CCDC92: variants seen among roughly 807,000 people sequenced by gnomAD.
The protein encoded by CCDC92 is coiled-coil domain containing 92.
Under a neutral mutation model 24.9 loss-of-function variants are expected in CCDC92, and 12 were observed. That is an observed-to-expected ratio of 0.48 (90% CI 0.31 to 0.78). The LOEUF (loss-of-function observed/expected upper bound fraction) is 0.78, where lower values mean the gene tolerates loss of function less well. Among genes scored for constraint, CCDC92 ranks in the 30% least tolerant of loss-of-function variants. The pLI is 0.05. For missense variants in CCDC92, 399 were observed against 439.4 expected, an observed-to-expected ratio of 0.91 and a Z score of 0.82; for synonymous variants, 193 against 196.3, an observed-to-expected ratio of 0.98 and a Z score of 0.14.
At chr12:123,947,416 C>T (rs922109431) in intron 1 of CCDC92, among the ~76,000 whole-genome samples, 7 of 152,186 alleles carry the variant, frequency 4.6e-5, no homozygotes, top group African/African-American at 9.7e-5. Context: ...TGAAGCCAGC[C>T]GGGCTCCTGA....
intron 1 of CCDC92, among the ~76,000 whole-genome samples, chr12:123,958,250 T>A (rs1956196041): frequency 6.6e-6 from 1 of 151,838 alleles, no homozygotes; most frequent in Non-Finnish European, 1.5e-5. Flanking sequence ...ACGGGGTTTC[T>A]CCATGTTGGT....
At chr12:123,969,240 C>T (rs189259829) in intron 1 of CCDC92, among the ~76,000 whole-genome samples, 4 of 152,296 alleles carry the variant, frequency 2.6e-5, no homozygotes, top group East Asian at 1.9e-4. Flanking sequence ...CTAAGCTTTT[C>T]GGCTTGCTGT....
chr12:123,943,742 T>C (rs1279836077), intron 2 of CCDC92: 1 of 560,980 alleles, frequency 1.8e-6, no homozygotes, highest in East Asian at 2.9e-5. Flanking sequence ...GCACGATGCC[T>C]GGCACATGAA....
Position 123,935,846 on chromosome 12 carries a change from A to C in CCDC92, c.*1212T>G. On this transcript the variant is annotated 3_prime_UTR_variant, in exon 5 of 5. Transcript: ENST00000238156. Reference sequence around the variant, plus strand: ...TCCAAAGGTGTGTTTTCGATGATCCAGGTCTGTTTCAGCAGATGCTCCTTT... The same window carrying C: ...TCCAAAGGTGTGTTTTCGATGATCCCGGTCTGTTTCAGCAGATGCTCCTTT... The C allele has an allele frequency of 5.6e-6, 1 of 178,906 alleles. No homozygotes were observed. The highest frequency in any genetic ancestry group is 5.6e-5 in the Admixed American group (1 of 17,718). The allele number at this position is 178,906 out of a possible 1,614,324, so 11.1% of individuals were successfully genotyped here.
At chr12:123,939,662 G>T (rs1955627108) in intron 4 of CCDC92, among the ~76,000 whole-genome samples, 1 of 152,172 alleles carries the variant, frequency 6.6e-6, no homozygotes, top group African/African-American at 2.4e-5. Flanking sequence ...TATAATGTCA[G>T]CAAATGACCT....
At position 123,936,560 on chromosome 12, in the gene CCDC92, G is replaced by A; in HGVS notation, c.*498C>T. 5.8e-6 allele frequency: 1 copy of A among 171,640 alleles called. No homozygotes were observed. Among genetic ancestry groups the A allele is most frequent in the Non-Finnish European group, 1.3e-5 (1 of 79,568 alleles). The allele number at this position is 171,640 out of a possible 1,614,324, so 10.6% of individuals were successfully genotyped here. A position where few individuals can be genotyped will look rare whatever the true frequency, so the allele number is the denominator to read the frequency against. On this transcript the variant is annotated 3_prime_UTR_variant, in exon 5 of 5. Transcript: ENST00000238156. Reference sequence around the variant, plus strand: ...TACACGCACGGCTGCTCGGTGATCGGTGCCGCCCTGGGAAAGGTTGGTCAG... The same window carrying A: ...TACACGCACGGCTGCTCGGTGATCGATGCCGCCCTGGGAAAGGTTGGTCAG...
rs1955506673 is a variant in CCDC92, at chr12:123,936,726, A to G, written c.*332T>C. ...TGTTGCTCCGACTTGAGAATGAATT[A>G]GGTGTGTGACTGTGTGGCATCGTGA... On this transcript the variant is annotated 3_prime_UTR_variant, in exon 5 of 5. Coordinates refer to ENST00000238156, the MANE Select transcript of CCDC92 (RefSeq NM_025140.3). The G allele has an allele frequency of 4.8e-6, 2 of 418,394 alleles. No individual in the cohort carries two copies. Among genetic ancestry groups the G allele is most frequent in the African/African-American group, 2.0e-5 (1 of 49,014 alleles). The allele number at this position is 418,394 out of a possible 1,614,324, so 25.9% of individuals were successfully genotyped here. A position where few individuals can be genotyped will look rare whatever the true frequency, so the allele number is the denominator to read the frequency against.
Position 123,943,356 on chromosome 12 carries a change from G to A in CCDC92, c.172C>T (p.His58Tyr). 1 of 1,613,208 alleles carries A rather than the reference G, an allele frequency of 6.2e-7. No individual in the cohort carries two copies. The highest frequency in any genetic ancestry group is 1.1e-5 in the South Asian group (1 of 91,086). ...CTGCTCCCCGATGTACCTGTGCAGT[G>A]CTGCTGCAGCCGCCTGATCTCGGAG... ...LHSEIRRLQQ[H>Y]CTDLTYELTV... The change falls in exon 3 of 5, where the codon CAC (histidine) becomes TAC (tyrosine). Residue 58 changes from histidine (H) to tyrosine (Y), a missense_variant. Transcript: ENST00000238156.
At chr12:123,964,258 A>T (rs190978416) in intron 1 of CCDC92, among the ~76,000 whole-genome samples, 418 of 152,216 alleles carry the variant, frequency 2.7e-3, no homozygotes, top group Middle Eastern at 0.01. Context: ...TCTTTTTTTT[A>T]AAAAAAGTGT....
chr12:123,970,128 C>T (rs1956491936), intron 1 of CCDC92: 1 of 152,126 alleles, frequency 6.6e-6, no homozygotes. Context: ...GCGGATGTTG[C>T]TACGTCCACA....
intron 1 of CCDC92, among the ~76,000 whole-genome samples, chr12:123,955,889 TATAAAG>T (rs1324842507): frequency 6.6e-6 from 1 of 152,196 alleles, no homozygotes; most frequent in Non-Finnish European, 1.5e-5. Flanking sequence ...GACTGCCACT[TATAAAG>T]AGACGTTATC....
chr12:123,964,116 T>G (rs568505938), intron 1 of CCDC92, among the ~76,000 whole-genome samples: 1 of 152,352 alleles, frequency 6.6e-6, no homozygotes, highest in African/African-American at 2.4e-5. Flanking sequence ...TAATTAGTGC[T>G]GCGCTGGTAA....
intron 1 of CCDC92, 103 bp downstream of exon 1, chr12:123,972,426 C>T (rs1394818705): frequency 6.6e-6 from 1 of 152,026 alleles, no homozygotes; most frequent in African/African-American, 2.4e-5. Flanking sequence ...GCCACGAACT[C>T]CCGTCCCTGC....
At chr12:123,946,023 T>TAC (rs1955851597) in intron 1 of CCDC92, 1 of 157,824 alleles carries the variant, frequency 6.3e-6, no homozygotes, top group African/African-American at 2.4e-5. Context: ...CTTGCTGGCA[T>TAC]CCTGCTTTGA....
intron 1 of CCDC92, among the ~76,000 whole-genome samples, chr12:123,950,258 CA>C (rs141019619): frequency 0.017 from 2,664 of 152,308 alleles, 79 homozygotes; most frequent in African/African-American, 0.06. Flanking sequence ...GAAACGCAAA[CA>C]CAGCCCACTG....
chr12:123,949,509 C>T (rs541419855), intron 1 of CCDC92, among the ~76,000 whole-genome samples: 3 of 152,360 alleles, frequency 2.0e-5, no homozygotes, highest in South Asian at 4.1e-4. Flanking sequence ...GGGCCAGCCC[C>T]ACCCAGGTGA....
intron 1 of CCDC92, among the ~76,000 whole-genome samples, chr12:123,947,078 C>G (rs767897221): frequency 6.6e-6 from 1 of 152,204 alleles, no homozygotes; most frequent in African/African-American, 2.4e-5. Flanking sequence ...CTGCCGGCCC[C>G]GGGCAATGAG....
intron 4 of CCDC92, among the ~76,000 whole-genome samples, chr12:123,939,884 C>T (rs1346177747): frequency 6.6e-6 from 1 of 152,212 alleles, no homozygotes; most frequent in Non-Finnish European, 1.5e-5. Context: ...GGCCTGGTAC[C>T]CGCTGTCCTT....
Position 123,936,373 on chromosome 12 carries a change from GTGTT to G in CCDC92, c.*681_*684del, listed in dbSNP as rs551156640. 6.6e-6 allele frequency: 1 copy of G among 152,562 alleles called. No individual in the cohort carries two copies. Among genetic ancestry groups the G allele is most frequent in the Non-Finnish European group, 1.5e-5 (1 of 68,222 alleles). 9.5% of individuals were successfully genotyped at this position (152,562 alleles called of 1,614,324 possible). On this transcript the variant is annotated 3_prime_UTR_variant, in exon 5 of 5. Coordinates refer to ENST00000238156, the MANE Select transcript of CCDC92 (RefSeq NM_025140.3). Reference sequence around the variant, plus strand: ...CTGCAGTCTCCTAGCCCTCCTTCAGGTGTTTGTTTAATAAAAGACACAAAACAGA... The same window carrying G: ...CTGCAGTCTCCTAGCCCTCCTTCAGGTGTTTAATAAAAGACACAAAACAGA...
Sources: allele counts gnomAD v4.1 joint callset (sites outside exome capture counted in the v4.1 genomes callset), GRCh38; gene constraint gnomAD v4.1.1; transcripts MANE v1.5; gene names NCBI Gene and HGNC (gene_info 2026-07-23, HGNC 2026-07-21).